Variants in ADAMTS17 observed in about 807,000 individuals in gnomAD.
The protein encoded by ADAMTS17 is ADAM metallopeptidase with thrombospondin type 1 motif 17.
ADAMTS17 carries 113 observed loss-of-function variants against 141.5 expected under a neutral mutation model. The observed-to-expected ratio is 0.80, with a 90% CI of 0.69 to 0.93. The LOEUF (loss-of-function observed/expected upper bound fraction) is 0.93. Ranked by LOEUF, ADAMTS17 falls within the 40% of genes least tolerant of loss-of-function variation. ADAMTS17 has a pLI of 0.00. For synonymous variants in ADAMTS17, 768 were observed against 630.6 expected, an observed-to-expected ratio of 1.22 and a Z score of -3.27; for missense variants, 1,659 against 1,517.9, an observed-to-expected ratio of 1.09 and a Z score of -1.54.
At chr15:100,304,360 G>A (rs12437971) in intron 3 of ADAMTS17, among the ~76,000 whole-genome samples, 98,186 of 152,078 alleles carry the variant, frequency 0.65, 33,060 homozygotes, top group African/African-American at 0.84. Flanking sequence ...CTGTTTGAAT[G>A]CTAGTATAAT....
chr15:100,303,875 G>A (rs1016560055), intron 3 of ADAMTS17, among the ~76,000 whole-genome samples: 5 of 151,960 alleles, frequency 3.3e-5, no homozygotes, highest in Admixed American at 6.6e-5. Flanking sequence ...GGTGCATGCC[G>A]CCACGCCCGG....
At chr15:100,126,868 G>T (rs891781762) in intron 12 of ADAMTS17, among the ~76,000 whole-genome samples, 22 of 152,224 alleles carry the variant, frequency 1.4e-4, no homozygotes, top group Non-Finnish European at 2.9e-4. Flanking sequence ...TCAAAGGCCA[G>T]TGGGGAGGAC....
chr15:100,215,052 C>T (rs1263226769), intron 7 of ADAMTS17, among the ~76,000 whole-genome samples: 2 of 152,228 alleles, frequency 1.3e-5, no homozygotes, highest in African/African-American at 2.4e-5. Flanking sequence ...CAGAATCTCC[C>T]ATCCAAAAAC....
chr15:100,207,990 A>C (rs1456734502), intron 7 of ADAMTS17, among the ~76,000 whole-genome samples: 1 of 152,194 alleles, frequency 6.6e-6, no homozygotes, highest in Non-Finnish European at 1.5e-5. Flanking sequence ...AAAGTAATAT[A>C]CTGCTAGCTC....
rs1361677475 is a variant in ADAMTS17 at position 100,051,664 on chromosome 15, G to A, written c.2363C>T (p.Ala788Val). ...YEYTVPVNRT[A>V]ENQSEPEKPQ... ...TTTTTCTGGTTCGCTTTGATTTTCCGCAGTGCGGTTTACAGGAACAGTGTA... is the reference window on the plus strand; with the variant it reads ...TTTTTCTGGTTCGCTTTGATTTTCCACAGTGCGGTTTACAGGAACAGTGTA... The change falls in exon 17 of 22, where the codon GCG becomes GTG. Residue 788 changes from alanine to valine, a missense_variant. Ala to Val is a moderately conservative substitution (Grantham distance 64). Coordinates refer to ENST00000268070, the MANE Select transcript of ADAMTS17 (RefSeq NM_139057.4). 8.1e-6 allele frequency: 13 copies of A among 1,614,166 alleles called. No individual in the cohort carries two copies. The highest frequency in any genetic ancestry group is 1.6e-4 in the Middle Eastern group (1 of 6,062).
intron 7 of ADAMTS17, among the ~76,000 whole-genome samples, chr15:100,250,305 C>A (rs1023291060): frequency 2.6e-5 from 4 of 152,178 alleles, no homozygotes; most frequent in African/African-American, 9.7e-5. Flanking sequence ...CTAGTTATCT[C>A]GAGGTACCAG....
intron 4 of ADAMTS17, among the ~76,000 whole-genome samples, chr15:100,280,499 C>T (rs4965623): frequency 0.66 from 100,819 of 151,880 alleles, 33,955 homozygotes; most frequent in East Asian, 0.83. Flanking sequence ...CCTCGGCACA[C>T]TGCTCCCCTC....
At chr15:100,095,608 C>T (rs1224937195) in intron 15 of ADAMTS17, among the ~76,000 whole-genome samples, 2 of 152,192 alleles carry the variant, frequency 1.3e-5, no homozygotes, top group Non-Finnish European at 1.5e-5. Flanking sequence ...AGTGCACACT[C>T]GCTAAGGCTG....
chr15:100,127,113 G>C (rs2037776770), intron 12 of ADAMTS17, among the ~76,000 whole-genome samples: 1 of 152,134 alleles, frequency 6.6e-6, no homozygotes, highest in South Asian at 2.1e-4. Flanking sequence ...CTGTGGCCGA[G>C]AGCACAAAGG....
At chr15:100,218,750 G>A (rs563598943) in intron 7 of ADAMTS17, among the ~76,000 whole-genome samples, 49 of 152,164 alleles carry the variant, frequency 3.2e-4, no homozygotes, top group African/African-American at 1.0e-3. Context: ...AACTGAAAAC[G>A]TGTCCCCATA....
At chr15:100,205,095 G>A (rs1351493388) in intron 7 of ADAMTS17, among the ~76,000 whole-genome samples, 2 of 152,126 alleles carry the variant, frequency 1.3e-5, no homozygotes, top group Admixed American at 6.5e-5. Flanking sequence ...GGGTTAATGA[G>A]ACCACAGCTT....
Position 100,303,779 on chromosome 15 carries a change from G to C in ADAMTS17, c.617-22378C>G, listed in dbSNP as rs147397651. On this transcript the variant is annotated intron_variant, in intron 3 of 21. Coordinates refer to ENST00000268070, the MANE Select transcript of ADAMTS17 (RefSeq NM_139057.4). ...TTGTCGCCCAGGCTGGAGTGCAGTG[G>C]TGTGATCTCAGCTCATTGCAACCTC... 7.1e-3 allele frequency among the ~76,000 whole-genome samples: 1,086 copies of C among 152,276 alleles called. 10 individuals carry two copies. The highest frequency in any genetic ancestry group is 0.022 in the African/African-American group (896 of 41,548).
intron 15 of ADAMTS17, among the ~76,000 whole-genome samples, chr15:100,069,420 T>C (rs367605394): frequency 1.9e-4 from 29 of 151,688 alleles, no homozygotes; most frequent in African/African-American, 6.3e-4. Flanking sequence ...TTGAGAAGAG[T>C]AACTCCAAGA....
chr15:100,341,923 C>A lies in ADAMTS17; in HGVS notation c.-24G>T, dbSNP rs754215615. ...ATGGTACCCGGGACCGGCAGCCCCC[C>A]CGGACCGTGGCGGCGAAGCAGGAGC... On this transcript the variant is annotated 5_prime_UTR_variant, in exon 1 of 22. Transcript: ENST00000268070. 8.4e-6 allele frequency: 13 copies of A among 1,548,650 alleles called. No homozygotes were observed. The highest frequency in any genetic ancestry group is 1.4e-5 in the African/African-American group (1 of 72,980).
intron 16 of ADAMTS17, among the ~76,000 whole-genome samples, chr15:100,053,187 G>A (rs1310812473): frequency 6.6e-6 from 1 of 152,192 alleles, no homozygotes; most frequent in Non-Finnish European, 1.5e-5. Context: ...TCAGAAGTTA[G>A]CCATGAGAAC....
chr15:100,036,722 C>G (rs2030757091), intron 18 of ADAMTS17, among the ~76,000 whole-genome samples: 1 of 152,160 alleles, frequency 6.6e-6, no homozygotes, highest in East Asian at 1.9e-4. Flanking sequence ...CTTTAGTTAT[C>G]AACCCTCACT....
intron 4 of ADAMTS17, among the ~76,000 whole-genome samples, chr15:100,268,986 A>C (rs2043813596): frequency 6.6e-6 from 1 of 152,190 alleles, no homozygotes; most frequent in Non-Finnish European, 1.5e-5. Flanking sequence ...CATCATACCT[A>C]CAACCATCTA....
chr15:99,977,167 C>T (rs547445981), intron 20 of ADAMTS17, among the ~76,000 whole-genome samples: 8 of 151,246 alleles, frequency 5.3e-5, no homozygotes, highest in Non-Finnish European at 8.8e-5. Context: ...ACCAGAGTCA[C>T]GCACTAACAT....
chr15:100,262,286 A>G (rs562641875), intron 5 of ADAMTS17, 66 bp downstream of exon 5: 7 of 1,435,652 alleles, frequency 4.9e-6, no homozygotes, highest in Non-Finnish European at 6.9e-6. Flanking sequence ...AGCATTCAAC[A>G]GCAGTTGAGA....
Sources: gnomAD v4.1 joint callset for allele counts (sites outside exome capture counted in the v4.1 genomes callset) on GRCh38, gnomAD v4.1.1 for gene constraint, MANE v1.5 for transcripts, NCBI Gene and HGNC (gene_info 2026-07-23, HGNC 2026-07-21) for gene names.